CSMD1: variants seen among roughly 807,000 people sequenced by gnomAD.
CSMD1 encodes the protein CUB and sushi domain-containing protein 1.
Under a neutral mutation model 417.5 loss-of-function variants are expected in CSMD1, and 213 were observed. That is an observed-to-expected ratio of 0.51 (90% CI 0.46 to 0.57). The LOEUF is 0.57. CSMD1 is among the 20% of genes least tolerant of loss of function. The pLI, the probability that CSMD1 is intolerant of heterozygous loss-of-function variation, is 0.00. For missense variants in CSMD1, 6,923 were observed against 4,529.7 expected (o/e 1.53, Z -15.17); for synonymous variants, 2,862 against 1,736.8 (o/e 1.65, Z -16.11).
intron 12 of CSMD1, among the ~76,000 whole-genome samples, chr8:3,411,384 T>A (rs150174953): frequency 6.6e-6 from 1 of 152,120 alleles, no homozygotes; most frequent in Non-Finnish European, 1.5e-5. Flanking sequence ...TCCATAGGTT[T>A]TGGGGGGAAC....
intron 10 of CSMD1, among the ~76,000 whole-genome samples, chr8:3,554,152 C>T (rs1225649527): frequency 3.9e-5 from 6 of 152,084 alleles, no homozygotes; most frequent in African/African-American, 1.4e-4. Context: ...GAAACATACA[C>T]AAAAAGAAGG....
At chr8:3,197,861 G>T (rs1796788686) in intron 33 of CSMD1, among the ~76,000 whole-genome samples, 1 of 152,112 alleles carries the variant, frequency 6.6e-6, no homozygotes, top group Admixed American at 6.5e-5. Flanking sequence ...CATTGCTGTT[G>T]AGTAATTTAT....
At chr8:4,717,047 C>T (rs1257659251) in intron 1 of CSMD1, among the ~76,000 whole-genome samples, 1 of 151,706 alleles carries the variant, frequency 6.6e-6, no homozygotes, top group Non-Finnish European at 1.5e-5. Context: ...CTGAATATCA[C>T]AAAGAAAAAT....
intron 2 of CSMD1, among the ~76,000 whole-genome samples, chr8:4,571,339 G>A (rs192377969): frequency 1.1e-4 from 17 of 152,272 alleles, no homozygotes; most frequent in African/African-American, 3.6e-4. Flanking sequence ...CTGGTACATT[G>A]TGTCTTTGTT....
At chr8:3,514,779 C>T (rs1019020604) in intron 10 of CSMD1, among the ~76,000 whole-genome samples, 1 of 151,962 alleles carries the variant, frequency 6.6e-6, no homozygotes, top group Admixed American at 6.6e-5. Context: ...GCACATGATC[C>T]TTTAGTGATT....
chr8:4,792,690 C>T (rs758882703), intron 1 of CSMD1, among the ~76,000 whole-genome samples: 24 of 152,098 alleles, frequency 1.6e-4, no homozygotes, highest in Non-Finnish European at 2.2e-4. Flanking sequence ...GGGTCCAGAA[C>T]CAAAAGGAAC....
chr8:2,945,993 G>A (rs752371230), intron 68 of CSMD1, among the ~76,000 whole-genome samples: 1 of 152,130 alleles, frequency 6.6e-6, no homozygotes, highest in Admixed American at 6.5e-5. Flanking sequence ...GAAATGCTTC[G>A]TGAGGCAATT....
At chr8:3,246,061 C>G (rs563127139) in intron 26 of CSMD1, among the ~76,000 whole-genome samples, 91 of 152,188 alleles carry the variant, frequency 6.0e-4, no homozygotes, top group African/African-American at 2.1e-3. Flanking sequence ...TTGTCTACCC[C>G]CAGTGCAATC....
At chr8:4,200,891 T>C (rs1400280112) in intron 3 of CSMD1, among the ~76,000 whole-genome samples, 1 of 152,174 alleles carries the variant, frequency 6.6e-6, no homozygotes, top group Non-Finnish European at 1.5e-5. Flanking sequence ...AACACATCTT[T>C]AAGAAACGCT....
chr8:3,215,087 A>G (rs1372603234), intron 29 of CSMD1, among the ~76,000 whole-genome samples: 1 of 152,234 alleles, frequency 6.6e-6, no homozygotes, highest in Non-Finnish European at 1.5e-5. Context: ...TACATCAAAC[A>G]TATTAACATA....
chr8:4,482,951 A>G (rs569094270), intron 2 of CSMD1, among the ~76,000 whole-genome samples: 1 of 152,324 alleles, frequency 6.6e-6, no homozygotes, highest in East Asian at 1.9e-4. Flanking sequence ...TAGGTATAAA[A>G]CATGCAAAAA....
chr8:4,829,813 G>T (rs1007504195), intron 1 of CSMD1, among the ~76,000 whole-genome samples: 1 of 151,720 alleles, frequency 6.6e-6, no homozygotes, highest in Non-Finnish European at 1.5e-5. Flanking sequence ...CTAAAGAACA[G>T]CAAGAAGCAG....
intron 1 of CSMD1, among the ~76,000 whole-genome samples, chr8:4,797,202 A>G (rs995183609): frequency 6.6e-6 from 1 of 152,184 alleles, no homozygotes; most frequent in African/African-American, 2.4e-5. Flanking sequence ...AAGCCCACAC[A>G]GTAAGGACAG....
intron 5 of CSMD1, among the ~76,000 whole-genome samples, chr8:3,873,149 TC>T (rs1412973936): frequency 1.3e-5 from 2 of 152,160 alleles, no homozygotes; most frequent in African/African-American, 4.8e-5. Context: ...GTATGATGAT[TC>T]CTCAAAGACC....
At chr8:4,205,524 G>A (rs1414213754) in intron 3 of CSMD1, among the ~76,000 whole-genome samples, 1 of 152,122 alleles carries the variant, frequency 6.6e-6, no homozygotes, top group South Asian at 2.1e-4. Context: ...TTCATTTTAT[G>A]GATGATGAAA....
chr8:3,976,295 T>G (rs1046382187), intron 5 of CSMD1, among the ~76,000 whole-genome samples: 5 of 150,660 alleles, frequency 3.3e-5, no homozygotes, highest in African/African-American at 1.2e-4. Flanking sequence ...CAGGTTATAC[T>G]TATCATTTTT....
intron 10 of CSMD1, among the ~76,000 whole-genome samples, chr8:3,509,292 T>G (rs1353016119): frequency 2.0e-5 from 3 of 152,178 alleles, no homozygotes; most frequent in Non-Finnish European, 4.4e-5. Flanking sequence ...AAAAATATAT[T>G]TAAGCCTTTC....
At chr8:3,203,265 G>C (rs1797084438) in intron 31 of CSMD1, among the ~76,000 whole-genome samples, 1 of 152,110 alleles carries the variant, frequency 6.6e-6, no homozygotes, top group Admixed American at 6.5e-5. Flanking sequence ...GCTCATTCTG[G>C]ACATGGCCCC....
intron 50 of CSMD1, among the ~76,000 whole-genome samples, chr8:3,048,306 A>C (rs188241794): frequency 1.3e-5 from 2 of 152,336 alleles, no homozygotes; most frequent in East Asian, 3.9e-4. Context: ...TTTTGAAAAA[A>C]AGTGTCCGAT....
Sources: allele counts gnomAD v4.1 joint callset (sites outside exome capture counted in the v4.1 genomes callset), GRCh38; gene constraint gnomAD v4.1.1; transcripts MANE v1.5; gene names NCBI Gene and HGNC (gene_info 2026-07-23, HGNC 2026-07-21).